SLIT2: variants seen among roughly 807,000 people sequenced by gnomAD.
SLIT2 encodes slit guidance ligand 2.
In SLIT2, 41 loss-of-function variants were observed where a neutral mutation model predicts 185.7. That is an observed-to-expected ratio of 0.22 (90% CI 0.17 to 0.29). SLIT2 has a LOEUF of 0.29. Ranked by LOEUF, SLIT2 falls within the 10% of genes least tolerant of loss-of-function variation. The probability of loss-of-function intolerance (pLI) is 1.00; values close to 1 mark genes in which losing one functional copy is unlikely to be tolerated. For missense variants in SLIT2, 1,571 were observed against 1,909.0 expected (o/e 0.82, Z 3.30); for synonymous variants, 693 against 680.2 (o/e 1.02, Z -0.29).
intron 5 of SLIT2, among the ~76,000 whole-genome samples, chr4:20,468,583 C>G (rs1714622368): frequency 6.6e-6 from 1 of 152,008 alleles, no homozygotes; most frequent in Non-Finnish European, 1.5e-5. Context: ...GATTTAAGAT[C>G]TCAGTGACAA....
chr4:20,552,157 AG>A (rs1333650579), intron 25 of SLIT2, among the ~76,000 whole-genome samples: 2 of 152,172 alleles, frequency 1.3e-5, no homozygotes, highest in Non-Finnish European at 2.9e-5. Flanking sequence ...TCAGAGATGC[AG>A]GGCTGTGGTG....
intron 5 of SLIT2, among the ~76,000 whole-genome samples, chr4:20,470,972 C>A (rs765525434): frequency 4.6e-5 from 7 of 152,202 alleles, no homozygotes; most frequent in Non-Finnish European, 8.8e-5. Flanking sequence ...TACATTATTT[C>A]AACTTTGGAA....
At chr4:20,339,090 C>CAAAAAAAAAAAAA (rs398051113) in intron 4 of SLIT2, among the ~76,000 whole-genome samples, 1 of 70,750 alleles carries the variant, frequency 1.4e-5, no homozygotes, top group Non-Finnish European at 2.5e-5. Context: ...GAGACACTCT[C>CAAAAAAAAAAAAA]AAAAAAAAAA....
chr4:20,309,484 A>C (rs1041654681), intron 4 of SLIT2, among the ~76,000 whole-genome samples: 1 of 151,604 alleles, frequency 6.6e-6, no homozygotes, highest in Non-Finnish European at 1.5e-5. Flanking sequence ...TTTTTATTAG[A>C]GCTTTTCCTC....
chr4:20,459,551 G>C (rs1713465351), intron 4 of SLIT2, among the ~76,000 whole-genome samples: 1 of 152,176 alleles, frequency 6.6e-6, no homozygotes, highest in African/African-American at 2.4e-5. Flanking sequence ...CCTGAAAGGA[G>C]ATTTATGTAT....
intron 30 of SLIT2, among the ~76,000 whole-genome samples, chr4:20,592,055 G>A (rs1320722451): frequency 6.6e-6 from 1 of 152,134 alleles, no homozygotes; most frequent in Non-Finnish European, 1.5e-5. Flanking sequence ...AGGTCAGTGT[G>A]TGTGCTGTTA....
At chr4:20,428,597 A>G (rs1008147772) in intron 4 of SLIT2, among the ~76,000 whole-genome samples, 4 of 152,208 alleles carry the variant, frequency 2.6e-5, no homozygotes, top group Non-Finnish European at 5.9e-5. Context: ...TGGACTCAAA[A>G]GACCATTTCT....
chr4:20,472,003 G>C (rs914510047), intron 5 of SLIT2, among the ~76,000 whole-genome samples: 4 of 151,442 alleles, frequency 2.6e-5, no homozygotes, highest in Non-Finnish European at 5.9e-5. Flanking sequence ...TACACAATGA[G>C]ATATGCTGTG....
intron 4 of SLIT2, among the ~76,000 whole-genome samples, chr4:20,290,597 T>C (rs530596356): frequency 6.6e-6 from 1 of 152,276 alleles, no homozygotes; most frequent in South Asian, 2.1e-4. Flanking sequence ...TGTGTATTTG[T>C]GTGATTACTT....
intron 29 of SLIT2, 29 bp downstream of exon 29, chr4:20,569,033 C>G (rs1002507091): frequency 1.3e-6 from 2 of 1,594,256 alleles, no homozygotes; most frequent in African/African-American, 1.3e-5. Flanking sequence ...ATTTTGCCTT[C>G]CATCAGTATA....
chr4:20,275,991 T>C (rs570317334), intron 4 of SLIT2, among the ~76,000 whole-genome samples: 87 of 152,112 alleles, frequency 5.7e-4, no homozygotes, highest in Admixed American at 2.0e-3. Context: ...CTTTCACTAC[T>C]AATAAAAATT....
chr4:20,312,771 C>CAAAAAAAAA (rs34372893), intron 4 of SLIT2, among the ~76,000 whole-genome samples: 74 of 101,986 alleles, frequency 7.3e-4, no homozygotes, highest in Non-Finnish European at 9.1e-4. Flanking sequence ...GACTTTGTCT[C>CAAAAAAAAA]AAAAAAAAAA....
chr4:20,389,597 C>T (rs903762173), intron 4 of SLIT2, among the ~76,000 whole-genome samples: 3 of 151,360 alleles, frequency 2.0e-5, no homozygotes, highest in African/African-American at 7.3e-5. Context: ...CTAGTTTTTC[C>T]TTTTATAGTT....
At chr4:20,437,874 C>T (rs1729459961) in intron 4 of SLIT2, among the ~76,000 whole-genome samples, 1 of 135,270 alleles carries the variant, frequency 7.4e-6, no homozygotes, top group Non-Finnish European at 1.5e-5. Context: ...GAGATCACGC[C>T]ACTGCACTCC....
At chr4:20,440,278 T>G (rs1193571839) in intron 4 of SLIT2, among the ~76,000 whole-genome samples, 1 of 152,194 alleles carries the variant, frequency 6.6e-6, no homozygotes, top group Non-Finnish European at 1.5e-5. Context: ...GTTATACCAA[T>G]TCATCATTAC....
chr4:20,450,045 T>C (rs890649782), intron 4 of SLIT2, among the ~76,000 whole-genome samples: 2 of 152,194 alleles, frequency 1.3e-5, no homozygotes, highest in Admixed American at 6.5e-5. Context: ...ACCTGCATTC[T>C]TTTTTTCAGT....
At chr4:20,491,235 A>G (rs1303666140) in intron 8 of SLIT2, among the ~76,000 whole-genome samples, 2 of 152,236 alleles carry the variant, frequency 1.3e-5, no homozygotes, top group Admixed American at 1.3e-4. Flanking sequence ...CTATCAAGAC[A>G]TCAAATTCTG....
At chr4:20,396,970 G>A (rs1462498198) in intron 4 of SLIT2, among the ~76,000 whole-genome samples, 4 of 150,154 alleles carry the variant, frequency 2.7e-5, no homozygotes, top group Non-Finnish European at 5.9e-5. Flanking sequence ...TCAAAATATG[G>A]AATATTAAAT....
At chr4:20,489,686 A>G (rs902234459) in intron 8 of SLIT2, among the ~76,000 whole-genome samples, 5 of 152,214 alleles carry the variant, frequency 3.3e-5, no homozygotes, top group African/African-American at 1.2e-4. Context: ...TGGGAGGCTG[A>G]GGCAGGAGAA....
Sources: gnomAD v4.1 joint callset for allele counts (sites outside exome capture counted in the v4.1 genomes callset) on GRCh38, gnomAD v4.1.1 for gene constraint, MANE v1.5 for transcripts, NCBI Gene and HGNC (gene_info 2026-07-23, HGNC 2026-07-21) for gene names.